The following CHN2 variants were observed in gnomAD, a reference collection of about 807,000 sequenced individuals.
CHN2 encodes the protein chimerin 2.
CHN2 carries 35 observed loss-of-function variants against 56.3 expected under a neutral mutation model. The ratio of observed to expected loss-of-function variants is 0.62; its 90% CI spans 0.47 to 0.82. The LOEUF (loss-of-function observed/expected upper bound fraction) is 0.82, where lower values mean the gene tolerates loss of function less well. Ranked by LOEUF, CHN2 falls within the 40% of genes least tolerant of loss-of-function variation. The pLI is 0.00. For synonymous variants in CHN2, 210 were observed against 212.8 expected (o/e 0.99, Z 0.12); for missense variants, 491 against 580.5 (o/e 0.85, Z 1.58).
intron 1 of CHN2, among the ~76,000 whole-genome samples, chr7:29,199,038 A>G (rs1446934129): frequency 2.0e-5 from 3 of 152,252 alleles, no homozygotes; most frequent in Non-Finnish European, 2.9e-5. Context: ...TCAAAACCTT[A>G]ATTGGGAAAA....
chr7:29,183,383 CT>C (rs200037874), intron 2 of CHN2, among the ~76,000 whole-genome samples: 87 of 141,120 alleles, frequency 6.2e-4, no homozygotes, highest in Admixed American at 7.1e-4. Flanking sequence ...CGTGCCTAGC[CT>C]TTTTTTTTTT....
At chr7:29,177,718 C>T (rs1797550034) in intron 2 of CHN2, among the ~76,000 whole-genome samples, 1 of 152,084 alleles carries the variant, frequency 6.6e-6, no homozygotes, top group Non-Finnish European at 1.5e-5. Flanking sequence ...ATCCATCCAT[C>T]CACTTTACCA....
chr7:29,365,110 G>A (rs60685530), intron 2 of CHN2, among the ~76,000 whole-genome samples: 16,321 of 152,066 alleles, frequency 0.11, 1,468 homozygotes, highest in African/African-American at 0.24. Flanking sequence ...GGTATCCATC[G>A]GAAGACGTAC....
intron 6 of CHN2, chr7:29,480,039 T>A: frequency 6.5e-7 from 1 of 1,531,634 alleles, no homozygotes; most frequent in Non-Finnish European, 8.8e-7. Flanking sequence ...AAGCTGCGGT[T>A]CGAAAATCCT....
chr7:29,164,308 T>C (rs560591553), intron 2 of CHN2, among the ~76,000 whole-genome samples: 2 of 152,328 alleles, frequency 1.3e-5, no homozygotes, highest in East Asian at 3.9e-4. Context: ...GTAAAATGTC[T>C]ATTTGATTTT....
chr7:29,378,689 C>T (rs958156168), intron 3 of CHN2, among the ~76,000 whole-genome samples: 9 of 152,158 alleles, frequency 5.9e-5, no homozygotes, highest in African/African-American at 1.7e-4. Context: ...AGTTAGGCCA[C>T]GCGCGGTGGC....
At chr7:29,455,771 C>T (rs1043586175) in intron 6 of CHN2, among the ~76,000 whole-genome samples, 3 of 152,190 alleles carry the variant, frequency 2.0e-5, no homozygotes, top group Non-Finnish European at 4.4e-5. Context: ...TAACCTGACA[C>T]CTTGTCTGAG....
chr7:29,468,922 C>T (rs75796652), intron 6 of CHN2, among the ~76,000 whole-genome samples: 2,644 of 152,258 alleles, frequency 0.017, 78 homozygotes, highest in African/African-American at 0.059. Flanking sequence ...CTCTCTTCCT[C>T]TAAAATCCAT....
chr7:29,152,803 C>G (rs1562796657), intron 2 of CHN2, among the ~76,000 whole-genome samples: 1 of 152,214 alleles, frequency 6.6e-6, no homozygotes, highest in Non-Finnish European at 1.5e-5. Context: ...TGACAAGAAA[C>G]AGGCAAGCAA....
chr7:29,181,753 T>C (rs1798082648), intron 2 of CHN2, among the ~76,000 whole-genome samples: 1 of 152,202 alleles, frequency 6.6e-6, no homozygotes, highest in African/African-American at 2.4e-5. Context: ...CATTCCAAAA[T>C]AGACACTTTT....
At chr7:29,259,593 A>G (rs1257507318) in intron 1 of CHN2, among the ~76,000 whole-genome samples, 1 of 152,178 alleles carries the variant, frequency 6.6e-6, no homozygotes, top group Admixed American at 6.5e-5. Flanking sequence ...TGCAAAAAGA[A>G]GTTGGTACAA....
At chr7:29,453,080 T>C (rs1031454102) in intron 6 of CHN2, among the ~76,000 whole-genome samples, 1 of 152,230 alleles carries the variant, frequency 6.6e-6, no homozygotes, top group Non-Finnish European at 1.5e-5. Flanking sequence ...GGGGGAATTG[T>C]TTTGCATGAT....
At chr7:29,489,233 C>T (rs77641648) in intron 7 of CHN2, among the ~76,000 whole-genome samples, 6,337 of 152,234 alleles carry the variant, frequency 0.042, 221 homozygotes, top group East Asian at 0.14. Context: ...GTAATATCAT[C>T]TTTTTTGTTT....
intron 1 of CHN2, chr7:29,293,019 C>T: frequency 4.4e-6 from 2 of 456,338 alleles, no homozygotes; most frequent in Admixed American, 4.7e-5. Flanking sequence ...CCTCTGCATG[C>T]TGAGCCTCAT....
chr7:29,245,781 G>A (rs535943321), intron 1 of CHN2, among the ~76,000 whole-genome samples: 1 of 152,098 alleles, frequency 6.6e-6, no homozygotes, highest in South Asian at 2.1e-4. Flanking sequence ...ACACACTCAC[G>A]ACTTTCACAT....
intron 1 of CHN2, among the ~76,000 whole-genome samples, chr7:29,341,429 G>C (rs1049117333): frequency 4.6e-5 from 7 of 152,192 alleles, no homozygotes; most frequent in African/African-American, 1.7e-4. Context: ...GACTGTGCTA[G>C]ATCAGAGAGC....
At chr7:29,250,466 G>C (rs910438798) in intron 1 of CHN2, among the ~76,000 whole-genome samples, 1 of 152,180 alleles carries the variant, frequency 6.6e-6, no homozygotes, top group Non-Finnish European at 1.5e-5. Context: ...ATGTCTCACA[G>C]AATCAGGCAA....
chr7:29,253,475 A>G (rs898300614), intron 1 of CHN2, among the ~76,000 whole-genome samples: 30 of 152,208 alleles, frequency 2.0e-4, no homozygotes, highest in African/African-American at 6.5e-4. Context: ...TTTAGTTTTT[A>G]GCTGGATTCA....
chr7:29,315,648 G>A (rs1794902493), intron 1 of CHN2, among the ~76,000 whole-genome samples: 1 of 152,104 alleles, frequency 6.6e-6, no homozygotes, highest in Non-Finnish European at 1.5e-5. Context: ...GCAGTGATGG[G>A]ATTTGAGGAT....
Sources: gnomAD v4.1 joint callset for allele counts (sites outside exome capture counted in the v4.1 genomes callset) on GRCh38, gnomAD v4.1.1 for gene constraint, MANE v1.5 for transcripts, NCBI Gene and HGNC (gene_info 2026-07-23, HGNC 2026-07-21) for gene names.